Variants in INPP5A observed in about 807,000 individuals in gnomAD.
The protein encoded by INPP5A is 43 kDa inositol polyphosphate 5-phophatase.
A neutral mutation model predicts 65.2 loss-of-function variants in INPP5A; 14 were observed. The ratio of observed to expected loss-of-function variants is 0.21; its 90% CI spans 0.14 to 0.34. The LOEUF (loss-of-function observed/expected upper bound fraction) is 0.34, where lower values mean the gene tolerates loss of function less well. Ranked by LOEUF, INPP5A falls within the 10% of genes least tolerant of loss-of-function variation. The probability of loss-of-function intolerance (pLI) is 1.00; values close to 1 mark genes in which losing one functional copy is unlikely to be tolerated. For synonymous variants in INPP5A, 207 were observed against 208.3 expected (o/e 0.99, Z 0.05); for missense variants, 431 against 545.6 (o/e 0.79, Z 2.09).
At chr10:132,639,500 A>G (rs531065495) in intron 2 of INPP5A, among the ~76,000 whole-genome samples, 1 of 152,318 alleles carries the variant, frequency 6.6e-6, no homozygotes, top group East Asian at 1.9e-4. Context: ...CAATTTGATT[A>G]TGATAAAATG....
At chr10:132,606,896 T>G (rs2071861911) in intron 1 of INPP5A, among the ~76,000 whole-genome samples, 1 of 152,228 alleles carries the variant, frequency 6.6e-6, no homozygotes, top group Non-Finnish European at 1.5e-5. Context: ...GTGCAGTTCC[T>G]TAGTGCTAAG....
At chr10:132,710,183 G>A (rs1422430393) in intron 7 of INPP5A, among the ~76,000 whole-genome samples, 154 bp from the exon 8 acceptor site, 2 of 152,280 alleles carry the variant, frequency 1.3e-5, no homozygotes, top group Non-Finnish European at 2.9e-5. Flanking sequence ...GGCCTTGTCG[G>A]AAGACAGGTG....
intron 11 of INPP5A, among the ~76,000 whole-genome samples, chr10:132,752,839 C>T (rs1056330407): frequency 1.3e-5 from 2 of 152,094 alleles, no homozygotes; most frequent in African/African-American, 2.4e-5. Context: ...GCCACCATAC[C>T]GTACAGTGTT....
chr10:132,711,330 G>A (rs1222494577), intron 8 of INPP5A, among the ~76,000 whole-genome samples: 1 of 152,178 alleles, frequency 6.6e-6, no homozygotes, highest in African/African-American at 2.4e-5. Context: ...ATCTACAGCT[G>A]GGCCTTTTGC....
In INPP5A at chr10:132,637,532, C is replaced by A. The variant is rs528428171; in HGVS notation, c.118-8336C>A. On this transcript the variant is annotated intron_variant, in intron 2 of 15. Transcript: ENST00000368594. The surrounding 1 kb of genome is among the most constrained non-coding windows in gnomAD (Gnocchi z 4.1). The stretch of plus-strand genomic sequence containing the variant: ...TCCTTCTCTGCCTGTCTCCCACGGT[C>A]ACTTCTTTCTCTCACGCTGTTTTCT... Among the ~76,000 whole-genome samples the A allele has an allele frequency of 1.3e-5, 2 of 152,236 alleles. No homozygotes were observed. Among genetic ancestry groups the A allele is most frequent in the East Asian group, 3.9e-4 (2 of 5,178 alleles).
rs552831784 is a variant in INPP5A at position 132,634,424 on chromosome 10, G to A, written c.118-11444G>A. Among the ~76,000 whole-genome samples the A allele has an allele frequency of 2.0e-5, 3 of 152,378 alleles. No homozygotes were observed. The East Asian group carries it at 5.8e-4, about 29-fold the overall frequency. On this transcript the variant is annotated intron_variant, in intron 2 of 15. Transcript: ENST00000368594. Reference sequence around the variant, plus strand: ...TCTCCCTTGGGTGTGCCCCGGAGAGGCGTGTCATCTCCCTTGGTGAGTGTG... The same window carrying A: ...TCTCCCTTGGGTGTGCCCCGGAGAGACGTGTCATCTCCCTTGGTGAGTGTG...
intron 1 of INPP5A, among the ~76,000 whole-genome samples, chr10:132,607,171 C>T (rs539273351): frequency 9.8e-5 from 15 of 152,292 alleles, no homozygotes; most frequent in Admixed American, 7.8e-4. Flanking sequence ...CTCAGCGGAG[C>T]GGTCAGGGTG....
intron 12 of INPP5A, among the ~76,000 whole-genome samples, chr10:132,769,932 T>C (rs1846920067): frequency 6.6e-6 from 1 of 152,202 alleles, no homozygotes; most frequent in African/African-American, 2.4e-5. Flanking sequence ...GAATTTCTAA[T>C]TTTTAGTTTA....
chr10:132,592,822 TTAAAA>T (rs2071635448), intron 1 of INPP5A, among the ~76,000 whole-genome samples: 1 of 152,250 alleles, frequency 6.6e-6, no homozygotes, highest in African/African-American at 2.4e-5. Context: ...ATGTCGTGGC[TTAAAA>T]TAACACCAGT....
At chr10:132,778,302 ATTTTTTTTTTTTTTTTTT>A (rs57172206) in intron 13 of INPP5A, among the ~76,000 whole-genome samples, 1 of 72,960 alleles carries the variant, frequency 1.4e-5, no homozygotes, top group Admixed American at 1.6e-4. Context: ...TTTAATAATA[ATTTTTTTTTTTTTTTTTT>A]TTTTTTTTTT....
chr10:132,761,437 C>T (rs768804137), intron 11 of INPP5A, among the ~76,000 whole-genome samples: 3 of 152,148 alleles, frequency 2.0e-5, no homozygotes, highest in South Asian at 4.1e-4. Flanking sequence ...TGCCATGGAG[C>T]TCTGGGGGTG....
chr10:132,694,987 A>C lies in INPP5A; in HGVS notation c.371-2829A>C, dbSNP rs557398635. On this transcript the variant is annotated intron_variant, in intron 5 of 15. Transcript: ENST00000368594. ...GAAGACGTTATACCAGTTCTCTACAATCTTTTCCAGAAAATATAAGCAGAG... is the reference window on the plus strand; with the variant it reads ...GAAGACGTTATACCAGTTCTCTACACTCTTTTCCAGAAAATATAAGCAGAG... Among the ~76,000 whole-genome samples the C allele has an allele frequency of 1.1e-3, 164 of 152,350 alleles. 2 individuals are homozygous for C. Among genetic ancestry groups the C allele is most frequent in the African/African-American group, 3.8e-3 (160 of 41,582 alleles).
intron 4 of INPP5A, among the ~76,000 whole-genome samples, chr10:132,684,289 C>T (rs959398184): frequency 1.3e-5 from 2 of 152,166 alleles, no homozygotes; most frequent in African/African-American, 2.4e-5. Flanking sequence ...AGGTCATATG[C>T]CATTGTATTC....
chr10:132,542,378 G>A (rs557236605), intron 1 of INPP5A, among the ~76,000 whole-genome samples: 3 of 152,256 alleles, frequency 2.0e-5, no homozygotes, highest in South Asian at 2.1e-4. Context: ...TGGAGGTGGC[G>A]GAGCTGCTGT....
At chr10:132,612,330 A>C (rs1479431012) in intron 2 of INPP5A, among the ~76,000 whole-genome samples, 1 of 152,050 alleles carries the variant, frequency 6.6e-6, no homozygotes. Context: ...GTCAGACAAG[A>C]CCTGTGGTAG....
At chr10:132,664,046 T>G (rs2072772471) in intron 4 of INPP5A, among the ~76,000 whole-genome samples, 1 of 152,272 alleles carries the variant, frequency 6.6e-6, no homozygotes, top group African/African-American at 2.4e-5. Context: ...AGGACTTTCA[T>G]GCTTGTTAGC....
At chr10:132,680,848 C>T (rs955121301) in intron 4 of INPP5A, among the ~76,000 whole-genome samples, 1 of 152,248 alleles carries the variant, frequency 6.6e-6, no homozygotes, top group Non-Finnish European at 1.5e-5. Flanking sequence ...CACCCACCGG[C>T]GCTGCACTCA....
At position 132,637,004 on chromosome 10, in the gene INPP5A, G is replaced by C. The variant is rs1190000651; in HGVS notation, c.118-8864G>C. On this transcript the variant is annotated intron_variant, in intron 2 of 15. Transcript: ENST00000368594. This position sits in a 1 kb window ranked among gnomAD's most constrained non-coding sequence, Gnocchi z 4.1. ...ACAATCTCAGCTCACTGAAACTTCCGCCTCCCGGGTTCAAGCGATTCTCCT... is the reference window on the plus strand; with the variant it reads ...ACAATCTCAGCTCACTGAAACTTCCCCCTCCCGGGTTCAAGCGATTCTCCT... Among the ~76,000 whole-genome samples, 1 of 152,070 alleles carries C rather than the reference G, an allele frequency of 6.6e-6. No individual in the cohort carries two copies. The highest frequency in any genetic ancestry group is 1.5e-5 in the Non-Finnish European group (1 of 68,018).
intron 2 of INPP5A, among the ~76,000 whole-genome samples, chr10:132,636,131 A>G (rs778314817): frequency 6.6e-6 from 1 of 151,500 alleles, no homozygotes; most frequent in Non-Finnish European, 1.5e-5. Context: ...TGGAAATATT[A>G]TTTCAAAAAA....
Sources: gnomAD v4.1 joint callset for allele counts (sites outside exome capture counted in the v4.1 genomes callset) on GRCh38, gnomAD v4.1.1 for gene constraint, Gnocchi (gnomAD v3.1) non-coding constraint, MANE v1.5 for transcripts, NCBI Gene and HGNC (gene_info 2026-07-23, HGNC 2026-07-21) for gene names.